Variants in ASAP2 observed in about 807,000 individuals in gnomAD.
ASAP2 encodes the protein ArfGAP with SH3 domain, ankyrin repeat and PH domain 2, also known as arf-GAP with SH3 domain, ANK repeat and PH domain-containing protein 2.
In ASAP2, 45 loss-of-function variants were observed where a neutral mutation model predicts 131.4. The observed-to-expected ratio is 0.34, with a 90% CI of 0.27 to 0.44. The LOEUF is 0.44. Ranked by LOEUF, ASAP2 falls within the 20% of genes least tolerant of loss-of-function variation. The probability of loss-of-function intolerance (pLI) is 1.00; values close to 1 mark genes in which losing one functional copy is unlikely to be tolerated. For missense variants in ASAP2, 1,011 were observed against 1,297.0 expected, an observed-to-expected ratio of 0.78 and a Z score of 3.39; for synonymous variants, 510 against 503.0, an observed-to-expected ratio of 1.01 and a Z score of -0.19.
intron 3 of ASAP2, among the ~76,000 whole-genome samples, chr2:9,307,165 G>A (rs114164991): frequency 0.013 from 1,957 of 152,316 alleles, 23 homozygotes; most frequent in Middle Eastern, 0.027. Context: ...CATCGCCTGC[G>A]TGGCTTGTTA....
chr2:9,318,712 G>A (rs1426117118), intron 4 of ASAP2, 114 bp downstream of exon 4: 2 of 631,294 alleles, frequency 3.2e-6, no homozygotes, highest in Non-Finnish European at 5.4e-6. Context: ...ACGATAGGAT[G>A]GCTCTTTTAT....
intron 7 of ASAP2, among the ~76,000 whole-genome samples, chr2:9,331,756 A>AT (rs79066860): frequency 0.087 from 12,891 of 148,394 alleles, 563 homozygotes; most frequent in African/African-American, 0.1. Context: ...CGACAGAGCG[A>AT]TTTTTTTTTT....
At chr2:9,356,478 A>G (rs1208104948) in intron 14 of ASAP2, 133 bp downstream of exon 14, 1 of 1,066,878 alleles carries the variant, frequency 9.4e-7, no homozygotes, top group Non-Finnish European at 1.3e-6. Flanking sequence ...AGTTCATCCC[A>G]TTACACAAAT....
At chr2:9,331,302 G>T (rs895025369) in intron 7 of ASAP2, among the ~76,000 whole-genome samples, 3 of 152,212 alleles carry the variant, frequency 2.0e-5, no homozygotes, top group African/African-American at 7.2e-5. Context: ...TGTTCTTAAA[G>T]AATACTTCGT....
chr2:9,226,635 G>T (rs1041740003), intron 1 of ASAP2, among the ~76,000 whole-genome samples: 12 of 152,182 alleles, frequency 7.9e-5, no homozygotes, highest in East Asian at 3.8e-4. Flanking sequence ...GTCCTTTCAG[G>T]CTGCCGTGGG....
intron 1 of ASAP2, among the ~76,000 whole-genome samples, chr2:9,234,537 T>C (rs1440900912): frequency 6.6e-6 from 1 of 152,102 alleles, no homozygotes; most frequent in African/African-American, 2.4e-5. Context: ...GCTGGGACAT[T>C]GTCATGAAAG....
chr2:9,361,725 G>C (rs1673093425), intron 15 of ASAP2, among the ~76,000 whole-genome samples: 1 of 151,868 alleles, frequency 6.6e-6, no homozygotes, highest in African/African-American at 2.4e-5. Flanking sequence ...GTGCTACCAC[G>C]CCTGGCTAAG....
chr2:9,240,322 C>T (rs542036162), intron 1 of ASAP2, among the ~76,000 whole-genome samples: 7 of 150,506 alleles, frequency 4.7e-5, no homozygotes, highest in African/African-American at 7.4e-5. Flanking sequence ...GGCGCCATCA[C>T]GGCTCACTGC....
At chr2:9,381,286 C>T (rs1473059459) in intron 20 of ASAP2, among the ~76,000 whole-genome samples, 1 of 152,204 alleles carries the variant, frequency 6.6e-6, no homozygotes, top group Non-Finnish European at 1.5e-5. Flanking sequence ...GCCAGGCAGC[C>T]CTGGCCTTGC....
At chr2:9,235,115 ACTGGAGCTTTTC>A (rs1190773441) in intron 1 of ASAP2, among the ~76,000 whole-genome samples, 1 of 152,094 alleles carries the variant, frequency 6.6e-6, no homozygotes, top group Non-Finnish European at 1.5e-5. Flanking sequence ...ACATATGCCA[ACTGGAGCTTTTC>A]CTGTCCTGTT....
In ASAP2 at chr2:9,247,883, C is replaced by T. The variant is rs557741549; in HGVS notation, c.127-31434C>T. On this transcript the variant is annotated intron_variant, in intron 1 of 27. Transcript: ENST00000281419. ...ACTGCCACTTTTTGGCCCTATTTCCCGCTCTCCTCCTCTGCCCCCCACACT... is the reference window on the plus strand; with the variant it reads ...ACTGCCACTTTTTGGCCCTATTTCCTGCTCTCCTCCTCTGCCCCCCACACT... Among the ~76,000 whole-genome samples the T allele has an allele frequency of 3.9e-5, 6 of 152,294 alleles. No individual in the cohort carries two copies. In the South Asian group the frequency reaches 8.3e-4, roughly 21 times the overall value.
chr2:9,390,196 G>T (rs1675612696), intron 22 of ASAP2, among the ~76,000 whole-genome samples: 1 of 152,054 alleles, frequency 6.6e-6, no homozygotes. Context: ...CCCCTTACCT[G>T]CCATCTCCAC....
chr2:9,382,978 G>A (rs923357277), intron 20 of ASAP2, among the ~76,000 whole-genome samples: 2 of 152,182 alleles, frequency 1.3e-5, no homozygotes, highest in Non-Finnish European at 2.9e-5. Context: ...CAAAGGCTCA[G>A]AGGTTAGGGT....
Position 9,239,219 on chromosome 2 carries a change from A to G in ASAP2, c.126+31989A>G, listed in dbSNP as rs140258989. Among the ~76,000 whole-genome samples, 484 of 152,284 alleles carry G rather than the reference A, an allele frequency of 3.2e-3. 4 individuals carry two copies. The highest frequency in any genetic ancestry group is 0.011 in the African/African-American group (463 of 41,564). ...GTTAGTGTGGTGAATTACATTTTTAACACTGCAACTACTCTTTGGTGTGGA... is the reference window on the plus strand; with the variant it reads ...GTTAGTGTGGTGAATTACATTTTTAGCACTGCAACTACTCTTTGGTGTGGA... On this transcript the variant is annotated intron_variant, in intron 1 of 27. Transcript: ENST00000281419.
chr2:9,319,426 C>T (rs1323080043), intron 4 of ASAP2, among the ~76,000 whole-genome samples: 2 of 152,220 alleles, frequency 1.3e-5, no homozygotes, highest in Non-Finnish European at 2.9e-5. Flanking sequence ...TGTTCAGACA[C>T]ATTCCCCATC....
chr2:9,302,246 C>T (rs1208456660), intron 3 of ASAP2, among the ~76,000 whole-genome samples: 1 of 144,874 alleles, frequency 6.9e-6, no homozygotes, highest in Non-Finnish European at 1.5e-5. Context: ...AGTCTTGGCT[C>T]ACTGCAGCCT....
chr2:9,402,855 C>T (rs1676857370), intron 27 of ASAP2, among the ~76,000 whole-genome samples: 1 of 152,214 alleles, frequency 6.6e-6, no homozygotes, highest in Admixed American at 6.5e-5. Context: ...ATGGGGCCAA[C>T]TTATACCTTT....
intron 1 of ASAP2, among the ~76,000 whole-genome samples, chr2:9,215,425 G>T (rs1381681145): frequency 6.6e-6 from 1 of 151,806 alleles, no homozygotes; most frequent in Non-Finnish European, 1.5e-5. Flanking sequence ...TAATTTTGAG[G>T]TATTGATGAA....
chr2:9,242,929 A>C (rs947756078), intron 1 of ASAP2, among the ~76,000 whole-genome samples: 1 of 152,062 alleles, frequency 6.6e-6, no homozygotes. Context: ...AGTAACAACA[A>C]ATTTTTGCTC....
Sources: allele counts gnomAD v4.1 joint callset (sites outside exome capture counted in the v4.1 genomes callset), GRCh38; gene constraint gnomAD v4.1.1; transcripts MANE v1.5; gene names NCBI Gene and HGNC (gene_info 2026-07-23, HGNC 2026-07-21).